Variants in GPALPP1 observed in about 807,000 individuals in gnomAD.
GPALPP1 encodes the protein GPALPP motifs-containing protein 1.
Under a neutral mutation model 38.9 loss-of-function variants are expected in GPALPP1, and 30 were observed. The ratio of observed to expected loss-of-function variants is 0.77; its 90% CI spans 0.58 to 1.05. The LOEUF is 1.05. Among genes scored for constraint, GPALPP1 ranks in the 50% least tolerant of loss-of-function variants. The probability of loss-of-function intolerance (pLI) is 0.00; values close to 1 mark genes in which losing one functional copy is unlikely to be tolerated. For synonymous variants in GPALPP1, 120 were observed against 139.2 expected (o/e 0.86, Z 0.97); for missense variants, 384 against 408.8 (o/e 0.94, Z 0.52).
At chr13:45,015,710 G>A (rs1874817820) in intron 6 of GPALPP1, 114 bp downstream of exon 6, 1 of 662,882 alleles carries the variant, frequency 1.5e-6, no homozygotes, top group Non-Finnish European at 2.3e-6. Flanking sequence ...GATTCCAAAA[G>A]GATAATGCGG....
chr13:45,020,525 G>A lies in GPALPP1; in HGVS notation c.804+97G>A, dbSNP rs115641129. ...CTGAGGCAGGAGGATCACTTGAGAC[G>A]AAGAGTTCAAGGCCAGCTTGGGCAA... On this transcript the variant is annotated intron_variant, in intron 7 of 7. Coordinates refer to ENST00000379151, the MANE Select transcript of GPALPP1 (RefSeq NM_018559.5). The A allele has an allele frequency of 3.6e-3, 2,383 of 670,344 alleles. 41 individuals carry two copies. In the African/African-American group the frequency reaches 0.041, roughly 12 times the overall value. The allele number at this position is 670,344 out of a possible 1,614,324, so 41.5% of individuals were successfully genotyped here.
intron 6 of GPALPP1, among the ~76,000 whole-genome samples, chr13:45,018,867 C>T (rs1336426058): frequency 1.4e-5 from 2 of 146,330 alleles, no homozygotes; most frequent in East Asian, 2.0e-4. Context: ...TTTCAAATTC[C>T]AGTTGTTTCT....
intron 6 of GPALPP1, among the ~76,000 whole-genome samples, chr13:45,018,662 A>C (rs960046174): frequency 1.1e-4 from 16 of 151,840 alleles, no homozygotes; most frequent in Non-Finnish European, 2.1e-4. Context: ...GTTTTAGTCC[A>C]TGAGGCCTCC....
At chr13:45,020,755 C>T (rs1476495062) in intron 7 of GPALPP1, among the ~76,000 whole-genome samples, 3 of 151,760 alleles carry the variant, frequency 2.0e-5, no homozygotes, top group Admixed American at 6.6e-5. Flanking sequence ...TATATGTCTG[C>T]CTCTTTACCA....
exon 8 of GPALPP1, chr13:45,035,892 A>C (rs1262511025): frequency 6.6e-6 from 1 of 152,162 alleles, no homozygotes; most frequent in African/African-American, 2.4e-5. Flanking sequence ...TGGGCAGACA[A>C]GGTAGCTCAC....
intron 1 of GPALPP1, among the ~76,000 whole-genome samples, chr13:44,998,181 C>G (rs1222231281): frequency 6.6e-6 from 1 of 152,180 alleles, no homozygotes; most frequent in African/African-American, 2.4e-5. Context: ...TTTTTGTCTG[C>G]CCTTTGGTAA....
chr13:45,010,530 T>C (rs1874395312), intron 4 of GPALPP1, among the ~76,000 whole-genome samples: 1 of 152,198 alleles, frequency 6.6e-6, no homozygotes, highest in African/African-American at 2.4e-5. Context: ...TTCAGAAGTA[T>C]TTGTCGAATG....
Position 45,014,977 on chromosome 13 carries a change from A to G in GPALPP1, c.434A>G (p.Asp145Gly), listed in dbSNP as rs1162888130. Reference protein sequence around the residue: ...QQETDSSEDEDIIGPMPAKGP... With the variant: ...QQETDSSEDEGIIGPMPAKGP... Reference sequence around the variant, plus strand: ...GAAACAGACAGCAGTGAAGATGAGGATATTATTGGACCAATGCCTGCAAAA... The same window carrying G: ...GAAACAGACAGCAGTGAAGATGAGGGTATTATTGGACCAATGCCTGCAAAA... The change falls in exon 5 of 8, where the codon GAT becomes GGT. Residue 145 changes from aspartate (D) to glycine (G), a missense_variant. Transcript: ENST00000379151. 6.2e-7 allele frequency: 1 copy of G among 1,606,922 alleles called. No individual in the cohort carries two copies. The highest frequency in any genetic ancestry group is 8.5e-7 in the Non-Finnish European group (1 of 1,175,458).
chr13:45,015,038 A>T lies in GPALPP1; in HGVS notation c.495A>T (p.Glu165Asp). The T allele has an allele frequency of 6.2e-7, 1 of 1,610,270 alleles. No homozygotes were observed. Among genetic ancestry groups the T allele is most frequent in the Non-Finnish European group, 8.5e-7 (1 of 1,177,026 alleles). ...PVNYNVTTEF[E>D]KRAQRMKEKL... ...ACTATAATGTAACGACAGAGTTTGA[A>T]AAAAGGGCCCAGAGAATGAAAGAAA... is the stretch of plus-strand genomic sequence containing the variant. The change falls in exon 5 of 8, where the codon GAA becomes GAT. Residue 165 changes from glutamate (E) to aspartate (D), a missense_variant. Physicochemically the swap from Glu to Asp is conservative, Grantham distance 45. Coordinates refer to ENST00000379151, the MANE Select transcript of GPALPP1 (RefSeq NM_018559.5).
At chr13:45,026,792 C>A (rs1875865066) in intron 7 of GPALPP1, among the ~76,000 whole-genome samples, 7 of 152,152 alleles carry the variant, frequency 4.6e-5, no homozygotes, top group Admixed American at 4.6e-4. Context: ...GACACAGAAC[C>A]CTCCTGTGTT....
At chr13:45,014,836 T>C in intron 4 of GPALPP1, 116 bp from the exon 5 acceptor site, 1 of 838,204 alleles carries the variant, frequency 1.2e-6, no homozygotes, top group East Asian at 2.9e-5. Context: ...CAATACATTG[T>C]TTACTTTTTT....
At chr13:45,007,702 C>G (rs1488831209) in intron 3 of GPALPP1, among the ~76,000 whole-genome samples, 4 of 152,144 alleles carry the variant, frequency 2.6e-5, no homozygotes, top group Non-Finnish European at 5.9e-5. Context: ...GTTATTTCCC[C>G]TGCCAGGATG....
intron 1 of GPALPP1, among the ~76,000 whole-genome samples, chr13:44,997,208 T>C (rs887352154): frequency 6.6e-6 from 1 of 152,072 alleles, no homozygotes; most frequent in African/African-American, 2.4e-5. Flanking sequence ...CAGTCTGTTA[T>C]CTGTCCTGTG....
intron 7 of GPALPP1, among the ~76,000 whole-genome samples, chr13:45,024,180 TGTGTGTGTGTG>T (rs1875637741): frequency 7.3e-6 from 1 of 137,174 alleles, no homozygotes; most frequent in Non-Finnish European, 1.6e-5. Flanking sequence ...TGTGTGTGTG[TGTGTGTGTGTG>T]TGTGTGTGTG....
chr13:45,035,944 T>C (rs1310909598), exon 8 of GPALPP1: 1 of 152,162 alleles, frequency 6.6e-6, no homozygotes, highest in Admixed American at 6.6e-5. Flanking sequence ...GTGGGAGGAT[T>C]GCTTGAGGCC....
intron 3 of GPALPP1, among the ~76,000 whole-genome samples, chr13:45,007,095 A>G (rs182984092): frequency 1.2e-4 from 18 of 152,200 alleles, no homozygotes; most frequent in African/African-American, 3.6e-4. Flanking sequence ...TAGGCAATCT[A>G]CAGTCCCCAA....
Position 45,020,403 on chromosome 13 carries a change from T to A in GPALPP1, c.779T>A (p.Leu260Gln). 2 of 1,456,706 alleles carry A rather than the reference T, an allele frequency of 1.4e-6. No homozygotes were observed. The highest frequency in any genetic ancestry group is 9.6e-7 in the Non-Finnish European group (1 of 1,037,340). 90.2% of individuals were successfully genotyped at this position (1,456,706 alleles called of 1,614,324 possible). Residue 260 changes from leucine to glutamine, a missense_variant, in exon 7 of 8, where the codon CTG becomes CAG. Transcript: ENST00000379151. ...ATATTATCAGGAAGAGATAAGAGAC[T>A]GGCTGAGCAGGTATCTTCATACAAT... ...EHILSGRDKR[L>Q]AEQVSSYNES...
chr13:45,030,465 C>T (rs139435375), downstream of GPALPP1: 450 of 152,442 alleles, frequency 3.0e-3, 3 homozygotes, highest in South Asian at 0.037. Flanking sequence ...CTGCAACCTC[C>T]GCCTCCTGGG....
intron 4 of GPALPP1, among the ~76,000 whole-genome samples, chr13:45,014,301 G>A (rs989806866): frequency 3.3e-5 from 5 of 152,072 alleles, no homozygotes; most frequent in Admixed American, 6.6e-5. Context: ...TTAATATAAT[G>A]TCTGTAACAT....
Sources: gnomAD v4.1 joint callset for allele counts (sites outside exome capture counted in the v4.1 genomes callset) on GRCh38, gnomAD v4.1.1 for gene constraint, MANE v1.5 for transcripts, NCBI Gene and HGNC (gene_info 2026-07-23, HGNC 2026-07-21) for gene names.